Variants in LRRC4C observed in about 807,000 individuals in gnomAD.
LRRC4C encodes the protein leucine rich repeat containing 4C.
LRRC4C carries 5 observed loss-of-function variants against 33.6 expected under a neutral mutation model. That is an observed-to-expected ratio of 0.15 (90% CI 0.08 to 0.31). The LOEUF is 0.31. Ranked by LOEUF, LRRC4C falls within the 10% of genes least tolerant of loss-of-function variation. The pLI is 1.00. For missense variants in LRRC4C, 560 were observed against 796.7 expected (o/e 0.70, Z 3.58); for synonymous variants, 329 against 302.0 (o/e 1.09, Z -0.93).
At chr11:40,917,694 C>A (rs1182609010) in intron 2 of LRRC4C, among the ~76,000 whole-genome samples, 1 of 152,034 alleles carries the variant, frequency 6.6e-6, no homozygotes, top group Non-Finnish European at 1.5e-5. Flanking sequence ...AAAGAGATAA[C>A]AAAACTACTT....
chr11:40,421,691 A>G (rs2137748280), intron 3 of LRRC4C, among the ~76,000 whole-genome samples: 1 of 152,342 alleles, frequency 6.6e-6, no homozygotes, highest in East Asian at 1.9e-4. Context: ...CCTTTGAATT[A>G]AACACAAGGT....
At chr11:41,079,616 A>T (rs761646645) in intron 1 of LRRC4C, among the ~76,000 whole-genome samples, 1 of 152,172 alleles carries the variant, frequency 6.6e-6, no homozygotes, top group African/African-American at 2.4e-5. Flanking sequence ...TAAACTCAAA[A>T]AACATCACTG....
chr11:40,542,587 T>C (rs1038629667), intron 3 of LRRC4C, among the ~76,000 whole-genome samples: 2 of 152,276 alleles, frequency 1.3e-5, no homozygotes, highest in African/African-American at 4.8e-5. Context: ...AATAATTTCC[T>C]GGCTTGGGAG....
At position 40,678,436 on chromosome 11, in the gene LRRC4C, C is replaced by T. The variant is rs555580348; in HGVS notation, c.-406-30158G>A. Among the ~76,000 whole-genome samples, 3 of 152,224 alleles carry T rather than the reference C, an allele frequency of 2.0e-5. No homozygotes were observed. In the South Asian group the frequency reaches 6.2e-4, roughly 32 times the overall value. On this transcript the variant is annotated intron_variant, in intron 2 of 6. Transcript: ENST00000528697. ...ATTTCCTTGGTATATTTTGGCCCAA[C>T]TGATTTTAAAATAGTTTAGGATTAC...
intron 3 of LRRC4C, among the ~76,000 whole-genome samples, chr11:40,512,593 T>G (rs1014827680): frequency 6.6e-6 from 1 of 152,130 alleles, no homozygotes; most frequent in Non-Finnish European, 1.5e-5. Context: ...CTGGGAGAGC[T>G]GGGCCTCATT....
At chr11:40,228,451 A>C (rs2135984738) in intron 5 of LRRC4C, among the ~76,000 whole-genome samples, 1 of 152,302 alleles carries the variant, frequency 6.6e-6, no homozygotes, top group South Asian at 2.1e-4. Context: ...AAAGTAAAAA[A>C]AAAAAAATCT....
intron 4 of LRRC4C, among the ~76,000 whole-genome samples, chr11:40,243,445 T>C (rs1350053632): frequency 6.6e-6 from 1 of 151,476 alleles, no homozygotes; most frequent in Non-Finnish European, 1.5e-5. Flanking sequence ...ATATTATTGA[T>C]GAGAAAACTG....
chr11:41,313,934 A>C (rs1591241218), intron 1 of LRRC4C, among the ~76,000 whole-genome samples: 1 of 152,144 alleles, frequency 6.6e-6, no homozygotes, highest in East Asian at 1.9e-4. Context: ...CTATTCAAAT[A>C]AAAATGTTGT....
At chr11:41,087,989 T>C (rs773911790) in intron 1 of LRRC4C, among the ~76,000 whole-genome samples, 1 of 152,142 alleles carries the variant, frequency 6.6e-6, no homozygotes, top group Non-Finnish European at 1.5e-5. Flanking sequence ...TTAACGAAAG[T>C]ATTCAGTCAC....
At chr11:40,939,085 C>A (rs943497017) in intron 1 of LRRC4C, among the ~76,000 whole-genome samples, 6 of 152,124 alleles carry the variant, frequency 3.9e-5, no homozygotes, top group Non-Finnish European at 7.3e-5. Context: ...TGTGATGATA[C>A]ATATGTCCAT....
At chr11:40,192,265 A>T (rs1363200372) in intron 5 of LRRC4C, among the ~76,000 whole-genome samples, 1 of 151,936 alleles carries the variant, frequency 6.6e-6, no homozygotes, top group Non-Finnish European at 1.5e-5. Flanking sequence ...CCAGTGAGGT[A>T]CCTGGTTCAT....
intron 2 of LRRC4C, among the ~76,000 whole-genome samples, chr11:40,793,186 G>A (rs987517696): frequency 2.6e-5 from 4 of 151,890 alleles, no homozygotes; most frequent in African/African-American, 7.3e-5. Flanking sequence ...AAATTTGCAA[G>A]AGTCAATGAA....
At chr11:40,451,159 AAAT>A (rs1257143191) in intron 3 of LRRC4C, among the ~76,000 whole-genome samples, 1 of 151,736 alleles carries the variant, frequency 6.6e-6, no homozygotes, top group Non-Finnish European at 1.5e-5. Context: ...CAGAATCAGA[AAAT>A]AATAAAGATC....
At chr11:40,376,548 A>G (rs952060341) in intron 3 of LRRC4C, among the ~76,000 whole-genome samples, 1 of 152,162 alleles carries the variant, frequency 6.6e-6, no homozygotes. Context: ...ATTTAAACCG[A>G]TAAACTCCCA....
intron 1 of LRRC4C, among the ~76,000 whole-genome samples, chr11:41,277,347 AT>A (rs1341502099): frequency 4.6e-5 from 7 of 152,164 alleles, no homozygotes; most frequent in Non-Finnish European, 7.4e-5. Context: ...ATTACACTCA[AT>A]TTTTAAATCA....
At chr11:41,083,737 C>A (rs1939750244) in intron 1 of LRRC4C, among the ~76,000 whole-genome samples, 1 of 152,154 alleles carries the variant, frequency 6.6e-6, no homozygotes, top group South Asian at 2.1e-4. Flanking sequence ...ACAACCCATG[C>A]TGCAGCAGAG....
intron 2 of LRRC4C, among the ~76,000 whole-genome samples, chr11:40,701,974 C>A (rs931436130): frequency 6.6e-6 from 1 of 151,792 alleles, no homozygotes; most frequent in Non-Finnish European, 1.5e-5. Context: ...GTATAATAGT[C>A]ACATTTGAAA....
chr11:40,485,925 T>TA (rs1305870704), intron 3 of LRRC4C, among the ~76,000 whole-genome samples: 1 of 151,956 alleles, frequency 6.6e-6, no homozygotes, highest in Non-Finnish European at 1.5e-5. Flanking sequence ...TTCTCACTTA[T>TA]AAGTGGGAGC....
intron 1 of LRRC4C, among the ~76,000 whole-genome samples, chr11:41,053,888 G>T (rs1023269078): frequency 6.6e-6 from 1 of 152,120 alleles, no homozygotes; most frequent in Non-Finnish European, 1.5e-5. Flanking sequence ...AATGATTTTA[G>T]CATGATAATT....
Sources: allele counts gnomAD v4.1 joint callset (sites outside exome capture counted in the v4.1 genomes callset), GRCh38; gene constraint gnomAD v4.1.1; transcripts MANE v1.5; gene names NCBI Gene and HGNC (gene_info 2026-07-23, HGNC 2026-07-21).